Variants in SI observed in about 807,000 individuals in gnomAD.
SI encodes the protein sucrase-isomaltase.
Under a neutral mutation model 253.3 loss-of-function variants are expected in SI, and 235 were observed. The ratio of observed to expected loss-of-function variants is 0.93; its 90% CI spans 0.83 to 1.03. The LOEUF (loss-of-function observed/expected upper bound fraction) is 1.03. SI is among the 50% of genes least tolerant of loss of function. The probability of loss-of-function intolerance (pLI) is 0.00; values close to 1 mark genes in which losing one functional copy is unlikely to be tolerated. For synonymous variants in SI, 819 were observed against 712.0 expected (o/e 1.15, Z -2.39); for missense variants, 2,442 against 2,211.1 (o/e 1.10, Z -2.09).
chr3:165,024,141 G>A (rs928149957), intron 25 of SI, among the ~76,000 whole-genome samples: 2 of 151,284 alleles, frequency 1.3e-5, no homozygotes, highest in Non-Finnish European at 3.0e-5. Context: ...TGATTATTGT[G>A]TATAAAAATG....
At chr3:164,998,701 T>G (rs138108240) in intron 37 of SI, 28 bp from the exon 38 acceptor site, 2 of 1,589,972 alleles carry the variant, frequency 1.3e-6, no homozygotes, top group African/African-American at 2.7e-5. Context: ...TATTTTTGAG[T>G]TTTTACATGA....
At chr3:165,063,235 T>C (rs1714067455) in intron 8 of SI, among the ~76,000 whole-genome samples, 1 of 152,112 alleles carries the variant, frequency 6.6e-6, no homozygotes, top group Non-Finnish European at 1.5e-5. Flanking sequence ...TACCACAGCA[T>C]AGCATACTCT....
At chr3:165,081,530 A>G (rs891739976), upstream of SI, among the ~76,000 whole-genome samples, 2 of 152,092 alleles carry the variant, frequency 1.3e-5, no homozygotes, top group African/African-American at 4.8e-5. Context: ...ACCTTAGGTT[A>G]AAAGTTACAT....
At chr3:165,072,684 T>C (rs1195730678) in intron 3 of SI, among the ~76,000 whole-genome samples, 1 of 152,096 alleles carries the variant, frequency 6.6e-6, no homozygotes, top group African/African-American at 2.4e-5. Flanking sequence ...TGAGCTCACA[T>C]TGAAATTTGC....
intron 37 of SI, among the ~76,000 whole-genome samples, chr3:165,005,885 T>A (rs1054576075): frequency 1.3e-5 from 2 of 152,112 alleles, no homozygotes; most frequent in Admixed American, 6.5e-5. Context: ...GTGTTGAGAT[T>A]ACAAGTATAA....
At chr3:165,038,116 A>T in intron 20 of SI, 92 bp from the exon 21 acceptor site, 1 of 1,166,324 alleles carries the variant, frequency 8.6e-7, no homozygotes, top group Non-Finnish European at 1.3e-6. Context: ...ATTATGAGCA[A>T]TTCATGTCAT....
At chr3:165,016,246 T>C (rs1719021234) in intron 31 of SI, among the ~76,000 whole-genome samples, 166 bp from the exon 32 acceptor site, 3 of 152,032 alleles carry the variant, frequency 2.0e-5, no homozygotes, top group African/African-American at 7.2e-5. Context: ...AAAAGTAGCA[T>C]GTAAAGATGT....
At chr3:165,048,865 C>T (rs1435942195) in intron 15 of SI, among the ~76,000 whole-genome samples, 1 of 152,006 alleles carries the variant, frequency 6.6e-6, no homozygotes, top group Non-Finnish European at 1.5e-5. Flanking sequence ...GTTGTGCCTG[C>T]CTCGGCCTCC....
chr3:164,983,450 GA>G (rs1717292247), intron 45 of SI, among the ~76,000 whole-genome samples: 1 of 151,808 alleles, frequency 6.6e-6, no homozygotes, highest in Non-Finnish European at 1.5e-5. Flanking sequence ...TAATATAAAG[GA>G]AAAAAGAACA....
chr3:165,089,145 T>G, the SI span, among the ~76,000 whole-genome samples: 1 of 151,726 alleles, frequency 6.6e-6, no homozygotes, highest in African/African-American at 2.4e-5. Flanking sequence ...GTTATGGCTG[T>G]CTTTAGTTTT....
chr3:165,030,052 G>C (rs1030895957), intron 25 of SI, among the ~76,000 whole-genome samples: 1 of 149,430 alleles, frequency 6.7e-6, no homozygotes, highest in Non-Finnish European at 1.5e-5. Context: ...TGACAAATAT[G>C]TCTTGACTCG....
intron 38 of SI, among the ~76,000 whole-genome samples, chr3:164,997,187 T>G (rs1718049217): frequency 6.6e-6 from 1 of 151,756 alleles, no homozygotes; most frequent in Non-Finnish European, 1.5e-5. Context: ...AACTGAACCA[T>G]TCTTATTAAA....
intron 37 of SI, among the ~76,000 whole-genome samples, chr3:165,005,777 T>C (rs1718476079): frequency 6.6e-6 from 1 of 152,092 alleles, no homozygotes; most frequent in Admixed American, 6.6e-5. Context: ...GACAGGTTCT[T>C]GTTTTGTTGC....
chr3:165,019,979 T>A (rs1465707834), intron 27 of SI, among the ~76,000 whole-genome samples: 3 of 151,740 alleles, frequency 2.0e-5, no homozygotes, highest in Non-Finnish European at 4.4e-5. Context: ...ATATGCTTCA[T>A]ATACTTATAG....
chr3:165,037,013 T>C (rs1712571092), intron 21 of SI, among the ~76,000 whole-genome samples: 1 of 151,778 alleles, frequency 6.6e-6, no homozygotes. Flanking sequence ...TCCTGGACTG[T>C]ATAGGATGTA....
rs2108207003 is a variant in SI, at chr3:165,033,413, A to G, written c.2547T>C (p.Tyr849=). The change falls in exon 23 of 48, where the codon TAT becomes TAC. Residue 849 remains tyrosine (Y), a synonymous_variant. Coordinates refer to ENST00000264382, the MANE Select transcript of SI (RefSeq NM_001041.4). The part of the protein sequence containing the change: ...DTIQNGNYIL[Y]TFSVSNNTLD... ...TGCTTACATTAGAAACTGAAAATGT[A>G]TATAATATGTAGTTGCCATTTTGTA... The G allele has an allele frequency of 1.3e-6, 2 of 1,556,464 alleles. No individual in the cohort carries two copies. The highest frequency in any genetic ancestry group is 1.7e-6 in the Non-Finnish European group (2 of 1,147,722).
Position 165,016,019 on chromosome 3 carries a change from G to T in SI, c.3821C>A (p.Ala1274Glu), listed in dbSNP as rs768581362. 1 of 1,611,550 alleles carries T rather than the reference G, an allele frequency of 6.2e-7. No homozygotes were observed. Among genetic ancestry groups the T allele is most frequent in the South Asian group, 1.1e-5 (1 of 91,034 alleles). The change falls in exon 32 of 48, where the codon GCA becomes GAA. Residue 1274 changes from alanine to glutamate, a missense_variant. Ala to Glu is a moderately radical substitution (Grantham distance 107, BLOSUM62 -1). Coordinates refer to ENST00000264382, the MANE Select transcript of SI (RefSeq NM_001041.4). ...AACAAACTGAGGAAGGTCCTGGAAT[G>T]CTTCACCAATTGTAAAGTCTAGCTG... ...ERQLDFTIGE[A>E]FQDLPQFVDK...
At chr3:165,047,710 T>C (rs1381104105) in intron 15 of SI, among the ~76,000 whole-genome samples, 1 of 152,062 alleles carries the variant, frequency 6.6e-6, no homozygotes, top group Admixed American at 6.6e-5. Context: ...AATTCCCTTA[T>C]AAATAGAAAA....
intron 16 of SI, among the ~76,000 whole-genome samples, chr3:165,043,517 T>C (rs1712960227): frequency 6.6e-6 from 1 of 152,044 alleles, no homozygotes; most frequent in African/African-American, 2.4e-5. Flanking sequence ...CTAACTCAAC[T>C]TCTTTGATTT....
Sources: gnomAD v4.1 joint callset for allele counts (sites outside exome capture counted in the v4.1 genomes callset) on GRCh38, gnomAD v4.1.1 for gene constraint, MANE v1.5 for transcripts, NCBI Gene and HGNC (gene_info 2026-07-23, HGNC 2026-07-21) for gene names.